PRR11: variants seen among roughly 807,000 people sequenced by gnomAD.
The protein encoded by PRR11 is proline-rich protein 11.
Under a neutral mutation model 45.6 loss-of-function variants are expected in PRR11, and 30 were observed. The observed-to-expected ratio is 0.66, with a 90% CI of 0.49 to 0.89. The LOEUF is 0.89. Ranked by LOEUF, PRR11 falls within the 40% of genes least tolerant of loss-of-function variation. The probability of loss-of-function intolerance (pLI) is 0.00; values close to 1 mark genes in which losing one functional copy is unlikely to be tolerated. For missense variants in PRR11, 373 were observed against 424.8 expected (o/e 0.88, Z 1.07); for synonymous variants, 128 against 153.5 (o/e 0.83, Z 1.23).
intron 1 of PRR11, among the ~76,000 whole-genome samples, chr17:59,156,660 T>C (rs1021336216): frequency 2.2e-4 from 34 of 151,768 alleles, no homozygotes; most frequent in African/African-American, 7.0e-4. Flanking sequence ...TTCTTTCTTT[T>C]TTTTTTTTTT....
intron 2 of PRR11, among the ~76,000 whole-genome samples, chr17:59,173,993 A>C (rs1240223938): frequency 1.3e-5 from 2 of 152,160 alleles, no homozygotes; most frequent in Admixed American, 6.5e-5. Context: ...TCCCACATCA[A>C]GTCTAACTAG....
At chr17:59,181,529 C>A in intron 2 of PRR11, 1 of 1,179,066 alleles carries the variant, frequency 8.5e-7, no homozygotes, top group Non-Finnish European at 1.2e-6. Context: ...CTGTTGAAGT[C>A]CTCATGGTGC....
intron 2 of PRR11, among the ~76,000 whole-genome samples, chr17:59,171,442 T>C (rs1392038461): frequency 6.6e-6 from 1 of 152,054 alleles, no homozygotes; most frequent in East Asian, 1.9e-4. Context: ...ATAAAAGGAG[T>C]GCTCCCTTCA....
chr17:59,169,726 A>T, intron 1 of PRR11, 22 bp from the exon 2 acceptor site: 1 of 1,555,846 alleles, frequency 6.4e-7, no homozygotes, highest in Non-Finnish European at 8.6e-7. Flanking sequence ...TCAATTAAAA[A>T]TGTAAAAAAA....
chr17:59,176,399 G>C (rs963498099), intron 2 of PRR11, among the ~76,000 whole-genome samples: 6 of 152,176 alleles, frequency 3.9e-5, no homozygotes, highest in Admixed American at 3.9e-4. Context: ...CCCCAGGCTT[G>C]GGGAGAGACT....
chr17:59,189,047 G>A (rs1419427259), intron 4 of PRR11, among the ~76,000 whole-genome samples: 1 of 151,306 alleles, frequency 6.6e-6, no homozygotes, highest in Non-Finnish European at 1.5e-5. Flanking sequence ...TTATTAAAAT[G>A]TATAACTTTG....
intron 2 of PRR11, among the ~76,000 whole-genome samples, chr17:59,181,234 C>T (rs1213254548): frequency 7.3e-5 from 11 of 151,618 alleles, no homozygotes; most frequent in East Asian, 1.9e-4. Context: ...GTAATCCGCC[C>T]GCCTCGGCCT....
At chr17:59,158,417 T>C (rs1446507045) in intron 1 of PRR11, among the ~76,000 whole-genome samples, 1 of 152,204 alleles carries the variant, frequency 6.6e-6, no homozygotes, top group East Asian at 1.9e-4. Context: ...AGGTTAAATT[T>C]CCTGACTGAT....
chr17:59,160,907 T>C, intron 1 of PRR11: 1 of 151,720 alleles, frequency 6.6e-6, no homozygotes, highest in Non-Finnish European at 1.5e-5. Context: ...TTTTTTTTTT[T>C]CTTTTTTTCA....
intron 4 of PRR11, among the ~76,000 whole-genome samples, chr17:59,188,401 T>G (rs541503462): frequency 5.9e-5 from 9 of 152,254 alleles, no homozygotes; most frequent in East Asian, 3.9e-4. Flanking sequence ...ATATATATCT[T>G]TTGATGCAAC....
At chr17:59,180,262 C>G (rs1465041346) in intron 2 of PRR11, among the ~76,000 whole-genome samples, 3 of 150,972 alleles carry the variant, frequency 2.0e-5, no homozygotes, top group East Asian at 1.9e-4. Flanking sequence ...TCCCAAGTAG[C>G]TGGGATTACA....
At chr17:59,166,462 T>G (rs1451075185) in intron 1 of PRR11, among the ~76,000 whole-genome samples, 1 of 152,080 alleles carries the variant, frequency 6.6e-6, no homozygotes. Flanking sequence ...CTAGATAATG[T>G]TTTTGTTTTG....
rs193243274 is a variant in PRR11 at position 59,186,256 on chromosome 17, C to T, written c.402+694C>T. On this transcript the variant is annotated intron_variant, in intron 4 of 9. Coordinates refer to ENST00000262293, the MANE Select transcript of PRR11 (RefSeq NM_018304.4). ...CTGGGACTACAGGCTTGCACTATTG[C>T]ACCCACCTAGGATGGGGAGATTTTT... 3.6e-3 allele frequency among the ~76,000 whole-genome samples: 539 copies of T among 151,064 alleles called. 9 individuals carry two copies. Among genetic ancestry groups the T allele is most frequent in the African/African-American group, 0.012 (504 of 41,218 alleles).
chr17:59,170,902 C>T lies in PRR11; in HGVS notation c.128+1022C>T, dbSNP rs141363088. 3.1e-3 allele frequency among the ~76,000 whole-genome samples: 478 copies of T among 152,314 alleles called. 3 individuals are homozygous for T. Among genetic ancestry groups the T allele is most frequent in the African/African-American group, 0.011 (464 of 41,570 alleles). Reference sequence around the variant, plus strand: ...ATCTTTATTACGTTTCCCCAACAGACGCACTGCATTGTTCTCTTGAAAACA... The same window carrying T: ...ATCTTTATTACGTTTCCCCAACAGATGCACTGCATTGTTCTCTTGAAAACA... On this transcript the variant is annotated intron_variant, in intron 2 of 9. Coordinates refer to ENST00000262293, the MANE Select transcript of PRR11 (RefSeq NM_018304.4).
intron 1 of PRR11, among the ~76,000 whole-genome samples, chr17:59,164,897 T>C (rs2046671723): frequency 6.6e-6 from 1 of 151,634 alleles, no homozygotes; most frequent in Non-Finnish European, 1.5e-5. Context: ...AAAAAGGTCC[T>C]GACCATAGAT....
chr17:59,188,911 G>T (rs1014432424), intron 4 of PRR11, among the ~76,000 whole-genome samples: 2 of 151,008 alleles, frequency 1.3e-5, no homozygotes, highest in East Asian at 3.9e-4. Context: ...CAGCACTCCA[G>T]CCTGGGCAAC....
rs2046907050 is a variant in PRR11, at chr17:59,204,267, G to C, written c.*2636G>C. 6.6e-6 allele frequency: 1 copy of C among 151,612 alleles called. No individual in the cohort carries two copies. Among genetic ancestry groups the C allele is most frequent in the Non-Finnish European group, 1.5e-5 (1 of 68,028 alleles). The allele number at this position is 151,612 out of a possible 1,614,324, so 9.4% of individuals were successfully genotyped here. ...AAAAATTAGCCAGGTGTGATGTTGT[G>C]TGCCTGTAGTCCCAGCTACTTGTGA... On this transcript the variant is annotated 3_prime_UTR_variant, in exon 10 of 10. Transcript: ENST00000262293.
At chr17:59,158,289 G>A (rs73319281) in intron 1 of PRR11, among the ~76,000 whole-genome samples, 3,419 of 152,232 alleles carry the variant, frequency 0.022, 150 homozygotes, top group African/African-American at 0.076. Context: ...GAATTAAAGG[G>A]TACTAAAGAG....
intron 2 of PRR11, chr17:59,177,153 G>C: frequency 1.8e-6 from 1 of 550,848 alleles, no homozygotes; most frequent in Non-Finnish European, 3.6e-6. Flanking sequence ...CAGATAGGAG[G>C]AAGCAAACCA....
Sources: gnomAD v4.1 joint callset for allele counts (sites outside exome capture counted in the v4.1 genomes callset) on GRCh38, gnomAD v4.1.1 for gene constraint, MANE v1.5 for transcripts, NCBI Gene and HGNC (gene_info 2026-07-23, HGNC 2026-07-21) for gene names.